Variants in CUTA observed in about 807,000 individuals in gnomAD.
The protein encoded by CUTA is cutA divalent cation tolerance homolog, also known as protein CutA.
CUTA carries 21 observed loss-of-function variants against 20.7 expected under a neutral mutation model. The observed-to-expected ratio is 1.01, with a 90% CI of 0.72 to 1.46. CUTA has a LOEUF of 1.46. Among genes scored for constraint, CUTA ranks in the 40% most tolerant of loss-of-function variants. The pLI is 0.00. For synonymous variants in CUTA, 99 were observed against 97.9 expected (o/e 1.01, Z -0.07); for missense variants, 231 against 226.8 (o/e 1.02, Z -0.12).
At chr6:33,417,409 C>G in intron 2 of CUTA, 72 bp downstream of exon 2, 1 of 1,612,004 alleles carries the variant, frequency 6.2e-7, no homozygotes, top group Non-Finnish European at 8.5e-7. Flanking sequence ...AAGGAGAAAG[C>G]AGCACTCTTC....
Position 33,416,910 on chromosome 6 carries a change from A to T in CUTA, c.413+10T>A. The T allele has an allele frequency of 6.2e-7, 1 of 1,614,114 alleles. No homozygotes were observed. Among genetic ancestry groups the T allele is most frequent in the Admixed American group, 1.7e-5 (1 of 60,010 alleles). On this transcript the variant is annotated intron_variant, in intron 5 of 5. Transcript: ENST00000488034. ...ACACACCCTCACCCCATCCATCTCA[A>T]AGTTCTCACCGAACAAAATCTGTCA...
At position 33,417,288 on chromosome 6, in the gene CUTA, C is replaced by T. The variant is rs906720222; in HGVS notation, c.280G>A (p.Ala94Thr). The T allele has an allele frequency of 2.5e-6, 4 of 1,614,084 alleles. No homozygotes were observed. The highest frequency in any genetic ancestry group is 2.7e-5 in the African/African-American group (2 of 74,918). Residue 94 changes from alanine to threonine, a missense_variant, in exon 3 of 6, where the codon GCA (alanine) becomes ACA (threonine). Ala to Thr is a moderately conservative substitution (Grantham distance 58, BLOSUM62 0). Transcript: ENST00000488034. ...TGAGGGATGAGGTTGACGCAGGCTG[C>T]TAGGCGCTTCTCCACCACGGCCCTG... Reference protein sequence around the residue: ...IARAVVEKRLAACVNLIPQIT... With the variant: ...IARAVVEKRLTACVNLIPQIT...
chr6:33,417,932 AGGGGC>A (rs1258182485), intron 1 of CUTA, 22 bp downstream of exon 1: 4 of 1,590,282 alleles, frequency 2.5e-6, no homozygotes, highest in South Asian at 1.1e-5. Context: ...GAGGACCGGA[AGGGGC>A]GGGGCGGGGC....
Position 33,417,485 on chromosome 6 carries a change from C to T in CUTA, c.253G>A (p.Ala85Thr), listed in dbSNP as rs1482299283. ...GCTGCACATCGAGGTCCCTACCTGG[C>T]GATCTCCTTGGCGACCTTCTCGTTG... ...CPNEKVAKEI[A>T]RAVVEKRLAA... Residue 85 changes from alanine to threonine, a missense_variant, in exon 2 of 6, where the codon GCC (alanine) becomes ACC (threonine). Coordinates refer to ENST00000488034, the MANE Select transcript of CUTA (RefSeq NM_001014840.2). 3.7e-6 allele frequency: 6 copies of T among 1,613,978 alleles called. No homozygotes were observed. The highest frequency in any genetic ancestry group is 4.2e-6 in the Non-Finnish European group (5 of 1,179,990).
At position 33,417,987 on chromosome 6, in the gene CUTA, C is replaced by T; in HGVS notation, c.14G>A (p.Arg5Gln). The T allele has an allele frequency of 6.2e-7, 1 of 1,611,710 alleles. No individual in the cohort carries two copies. The highest frequency in any genetic ancestry group is 1.6e-4 in the Middle Eastern group (1 of 6,062). The change falls in exon 1 of 6, where the codon CGG becomes CAG. Residue 5 changes from arginine to glutamine, a missense_variant. Arg to Gln is a conservative substitution (Grantham distance 43, BLOSUM62 1). Transcript: ENST00000488034. Reference sequence around the variant, plus strand: ...TCCGCCGAGCAGGACCGCGGGAGCCCGCCCCCCACTCATGCGGCCTACGCT... The same window carrying T: ...TCCGCCGAGCAGGACCGCGGGAGCCTGCCCCCCACTCATGCGGCCTACGCT... MSGG[R>Q]APAVLLGGVA...
In CUTA at chr6:33,417,478, T is replaced by C; in HGVS notation, c.257+3A>G. The C allele has an allele frequency of 2.3e-5, 37 of 1,614,096 alleles. No homozygotes were observed. Among genetic ancestry groups the C allele is most frequent in the Non-Finnish European group, 3.0e-5 (35 of 1,179,968 alleles). The stretch of plus-strand genomic sequence containing the variant: ...CTTTCTCGCTGCACATCGAGGTCCC[T>C]ACCTGGCGATCTCCTTGGCGACCTT... On this transcript the variant is annotated splice_donor_region_variant and intron_variant, in intron 2 of 5. Coordinates refer to ENST00000488034, the MANE Select transcript of CUTA (RefSeq NM_001014840.2).
At position 33,418,061 on chromosome 6, in the gene CUTA, C is replaced by T. The variant is rs372819222; in HGVS notation, c.-61G>A. ...GGCCACACGTCACACGGAGAAACAACCCCAGGAAGAGCGGCCTCTTCTTAC... is the reference window on the plus strand; with the variant it reads ...GGCCACACGTCACACGGAGAAACAATCCCAGGAAGAGCGGCCTCTTCTTAC... On this transcript the variant is annotated 5_prime_UTR_variant, in exon 1 of 6. Coordinates refer to ENST00000488034, the MANE Select transcript of CUTA (RefSeq NM_001014840.2). This position sits in a 1 kb window ranked among gnomAD's most constrained non-coding sequence, Gnocchi z 5.7. 7 of 1,614,086 alleles carry T rather than the reference C, an allele frequency of 4.3e-6. No homozygotes were observed. The African/African-American group carries it at 8.0e-5, about 18-fold the overall frequency.
At chr6:33,417,048 G>T (rs956397298) in intron 4 of CUTA, 49 bp downstream of exon 4, 2 of 1,612,992 alleles carry the variant, frequency 1.2e-6, no homozygotes, top group Admixed American at 1.7e-5. Context: ...AAGGGCTAAA[G>T]GGGTCAGGGA....
Position 33,416,568 on chromosome 6 carries a change from A to T in CUTA, c.*82T>A, listed in dbSNP as rs1776493073. 1 of 857,036 alleles carries T rather than the reference A, an allele frequency of 1.2e-6. No individual in the cohort carries two copies. The highest frequency in any genetic ancestry group is 2.0e-6 in the Non-Finnish European group (1 of 501,338). The allele number at this position is 857,036 out of a possible 1,614,324, so 53.1% of individuals were successfully genotyped here. A position where few individuals can be genotyped will look rare whatever the true frequency, so the allele number is the denominator to read the frequency against. On this transcript the variant is annotated 3_prime_UTR_variant, in exon 6 of 6. Coordinates refer to ENST00000488034, the MANE Select transcript of CUTA (RefSeq NM_001014840.2). ...GCAGAGAGACCCAAAGACGGGATTTATTGGGGGCCCAGTCATCACCTGGAA... is the reference window on the plus strand; with the variant it reads ...GCAGAGAGACCCAAAGACGGGATTTTTTGGGGGCCCAGTCATCACCTGGAA...
At position 33,417,121 on chromosome 6, in the gene CUTA, G is replaced by A. The variant is rs780580530; in HGVS notation, c.339C>T (p.Ile113=). 2 of 1,611,568 alleles carry A rather than the reference G, an allele frequency of 1.2e-6. No individual in the cohort carries two copies. Among genetic ancestry groups the A allele is most frequent in the Non-Finnish European group, 1.7e-6 (2 of 1,178,208 alleles). ...CCATCAGCACCTCACTGTCTTCCTC[G>A]ATCTTCCCTTTCCACTCATAGCTGA... ...ITSIYEWKGK[I]EEDSEVLMMI... The change falls in exon 4 of 6, where the codon ATC becomes ATT. Residue 113 remains isoleucine (I), a synonymous_variant. Transcript: ENST00000488034.
intron 5 of CUTA, 60 bp from the exon 6 acceptor site, chr6:33,416,836 T>A: frequency 6.2e-7 from 1 of 1,604,986 alleles, no homozygotes; most frequent in Non-Finnish European, 8.5e-7. Context: ...AAGAACCCAC[T>A]CCCTTACACG....
chr6:33,417,274 G>A lies in CUTA; in HGVS notation c.294C>T (p.Asn98=). 6.2e-7 allele frequency: 1 copy of A among 1,614,218 alleles called. No homozygotes were observed. Among genetic ancestry groups the A allele is most frequent in the Non-Finnish European group, 8.5e-7 (1 of 1,180,042 alleles). Residue 98 remains asparagine (N), a synonymous_variant, in exon 3 of 6, where the codon AAC becomes AAT. Transcript: ENST00000488034. ...VVEKRLAACV[N]LIPQITSIYE... ...ACATGGATGTAATCTGAGGGATGAG[G>A]TTGACGCAGGCTGCTAGGCGCTTCT...
rs757061697 is a variant in CUTA at position 33,417,314 on chromosome 6, G to A, written c.258-4C>T. ...TAGGCGCTTCTCCACCACGGCCCTG[G>A]AGTGAAGAGACAGTCCCATTCAGAG... On this transcript the variant is annotated splice_polypyrimidine_tract_variant and splice_region_variant and intron_variant, in intron 2 of 5. Transcript: ENST00000488034. 6.2e-7 allele frequency: 1 copy of A among 1,614,206 alleles called. No individual in the cohort carries two copies. The highest frequency in any genetic ancestry group is 8.5e-7 in the Non-Finnish European group (1 of 1,180,036).
chr6:33,417,298 C>T lies in CUTA; in HGVS notation c.270G>A (p.Glu90=). The change falls in exon 3 of 6, where the codon GAG becomes GAA. Residue 90 remains glutamate, a synonymous_variant. Transcript: ENST00000488034. The part of the protein sequence containing the change: ...VAKEIARAVV[E]KRLAACVNLI... The stretch of plus-strand genomic sequence containing the variant: ...GGTTGACGCAGGCTGCTAGGCGCTT[C>T]TCCACCACGGCCCTGGAGTGAAGAG... 1 of 1,614,216 alleles carries T rather than the reference C, an allele frequency of 6.2e-7. No individual in the cohort carries two copies. Among genetic ancestry groups the T allele is most frequent in the Non-Finnish European group, 8.5e-7 (1 of 1,180,034 alleles).
intron 4 of CUTA, 31 bp from the exon 5 acceptor site, chr6:33,417,000 A>C (rs768236675): frequency 6.2e-7 from 1 of 1,613,786 alleles, no homozygotes; most frequent in South Asian, 1.1e-5. Context: ...TGGTTGAATC[A>C]AGGAGTGGGA....
chr6:33,417,803 C>G, intron 1 of CUTA, 108 bp from the exon 2 acceptor site: 5 of 1,544,010 alleles, frequency 3.2e-6, no homozygotes, highest in Non-Finnish European at 4.3e-6. Context: ...CTGATGCACC[C>G]CCGAAGAATG....
At chr6:33,417,036 G>A in intron 4 of CUTA, 61 bp downstream of exon 4, 1 of 1,612,718 alleles carries the variant, frequency 6.2e-7, no homozygotes, top group Admixed American at 1.7e-5. Flanking sequence ...CAGAAGAGGG[G>A]TAAGGGCTAA....
At chr6:33,417,916 G>A in intron 1 of CUTA, 43 bp downstream of exon 1, 1 of 1,594,342 alleles carries the variant, frequency 6.3e-7, no homozygotes. Context: ...TAGCGGTCGA[G>A]GCTTCGAGGA....
At position 33,417,482 on chromosome 6, in the gene CUTA, T is replaced by C. The variant is rs757956494; in HGVS notation, c.256A>G (p.Arg86Gly). Residue 86 changes from arginine (R) to glycine (G), a missense_variant and splice_region_variant, in exon 2 of 6, where the codon AGG becomes GGG. Physicochemically the swap from Arg to Gly is moderately radical, Grantham distance 125. Transcript: ENST00000488034. ...PNEKVAKEIARAVVEKRLAAC... is the reference protein window; with the variant it reads ...PNEKVAKEIAGAVVEKRLAAC... ...CTCGCTGCACATCGAGGTCCCTACC[T>C]GGCGATCTCCTTGGCGACCTTCTCG... is the stretch of plus-strand genomic sequence containing the variant. 2 of 1,613,988 alleles carry C rather than the reference T, an allele frequency of 1.2e-6. No homozygotes were observed. Among genetic ancestry groups the C allele is most frequent in the Non-Finnish European group, 8.5e-7 (1 of 1,179,988 alleles).
Sources: gnomAD v4.1 joint callset for allele counts on GRCh38, gnomAD v4.1.1 for gene constraint, Gnocchi (gnomAD v3.1) non-coding constraint, MANE v1.5 for transcripts, NCBI Gene and HGNC (gene_info 2026-07-23, HGNC 2026-07-21) for gene names.